The following ZNF679 variants were observed in gnomAD, a reference collection of about 807,000 sequenced individuals.
ZNF679 encodes hypothetical protein MGC42415.
ZNF679 carries 10 observed loss-of-function variants against 13.4 expected under a neutral mutation model. That is an observed-to-expected ratio of 0.75 (90% confidence interval 0.46 to 1.27). ZNF679 has a LOEUF of 1.27. Among genes scored for constraint, ZNF679 ranks in the 50% most tolerant of loss-of-function variants. ZNF679 has a pLI of 0.00. For synonymous variants in ZNF679, 179 were observed against 162.5 expected, an observed-to-expected ratio of 1.10 and a Z score of -0.77; for missense variants, 525 against 477.8, an observed-to-expected ratio of 1.10 and a Z score of -0.92.
rs199528622 is a variant in ZNF679 at position 64,260,408 on chromosome 7, T to G, written c.166+61T>G. 3.9e-6 allele frequency: 6 copies of G among 1,557,300 alleles called. No individual in the cohort carries two copies. In the African/African-American group the frequency reaches 7.0e-5, roughly 18 times the overall value. On this transcript the variant is annotated intron_variant, in intron 3 of 4. Coordinates refer to ENST00000421025, the MANE Select transcript of ZNF679 (RefSeq NM_153363.3). Reference sequence around the variant, plus strand: ...TTCTTTTCTCTCTTTTCTAAAATGTTTTTTGGTAATTTCTGCTTTGCATGA... The same window carrying G: ...TTCTTTTCTCTCTTTTCTAAAATGTGTTTTGGTAATTTCTGCTTTGCATGA...
At chr7:64,261,182 G>A (rs189922441) in intron 4 of ZNF679, among the ~76,000 whole-genome samples, 13 of 152,162 alleles carry the variant, frequency 8.5e-5, no homozygotes, top group Admixed American at 2.6e-4. Flanking sequence ...TTTTCTTTAT[G>A]GCTTATCAGA....
chr7:64,264,551 C>T (rs1342124983), intron 4 of ZNF679, among the ~76,000 whole-genome samples: 1 of 151,930 alleles, frequency 6.6e-6, no homozygotes, highest in Non-Finnish European at 1.5e-5. Flanking sequence ...TTATTTAGGG[C>T]ACATGCAGTG....
chr7:64,256,589 T>G lies in ZNF679; in HGVS notation c.40-3632T>G, dbSNP rs565827925. On this transcript the variant is annotated intron_variant, in intron 2 of 4. Transcript: ENST00000421025. ...CTCACAAGCATCTGTTGTTTTGGAC[T>G]TTTTAGTCTGAGTGTGTTTATTTGA... Among the ~76,000 whole-genome samples, 3 of 152,184 alleles carry G rather than the reference T, an allele frequency of 2.0e-5. No homozygotes were observed. In the South Asian group the frequency reaches 6.2e-4, roughly 32 times the overall value.
intron 1 of ZNF679, among the ~76,000 whole-genome samples, chr7:64,248,044 A>ATTATGAT (rs1787891765): frequency 1.3e-5 from 2 of 152,102 alleles, no homozygotes; most frequent in Admixed American, 6.6e-5. Flanking sequence ...GTTTAATTGA[A>ATTATGAT]TCATAATTCT....
At position 64,266,297 on chromosome 7, in the gene ZNF679, A is replaced by C; in HGVS notation, c.664A>C (p.Asn222His). The C allele has an allele frequency of 6.2e-7, 1 of 1,606,788 alleles. No individual in the cohort carries two copies. The highest frequency in any genetic ancestry group is 8.5e-7 in the Non-Finnish European group (1 of 1,176,302). Residue 222 changes from asparagine (N) to histidine (H), a missense_variant, in exon 5 of 5, where the codon AAC becomes CAC. Physicochemically the swap from Asn to His is moderately conservative, Grantham distance 68. Transcript: ENST00000421025. ...YQCEECGKPF[N>H]CSSTLSKHKR... Reference sequence around the variant, plus strand: ...ATGTGAAGAATGCGGCAAACCCTTCAACTGCTCTTCAACCCTTTCTAAACA... The same window carrying C: ...ATGTGAAGAATGCGGCAAACCCTTCCACTGCTCTTCAACCCTTTCTAAACA...
rs148786982 is a variant in ZNF679 at position 64,260,192 on chromosome 7, G to GT, written c.40-22dup. ...AGTAAGTGTTTGTGTGTTCATGAGT[G>GT]TTTTTTTGTTGTTGTTATTGTTTTT... On this transcript the variant is annotated intron_variant, in intron 2 of 4. Transcript: ENST00000421025. 4,161 of 1,579,900 alleles carry GT rather than the reference G, an allele frequency of 2.6e-3. 81 individuals carry two copies. The African/African-American group carries it at 0.049, about 18-fold the overall frequency.
chr7:64,246,255 C>T (rs986499729), intron 1 of ZNF679, among the ~76,000 whole-genome samples: 5 of 152,156 alleles, frequency 3.3e-5, no homozygotes, highest in African/African-American at 1.2e-4. Flanking sequence ...TAACCCAATC[C>T]CATTCTTTAC....
At chr7:64,236,816 G>C (rs1436634284) in intron 1 of ZNF679, among the ~76,000 whole-genome samples, 1 of 118,490 alleles carries the variant, frequency 8.4e-6, no homozygotes, top group African/African-American at 3.2e-5. Context: ...AAGAAAGAAA[G>C]AAAGAGAAAG....
Position 64,266,819 on chromosome 7 carries a change from G to T in ZNF679, c.1186G>T (p.Ala396Ser), listed in dbSNP as rs879033651. ...DKAFKWSSSL[A>S]NHKSMHTGEK... ...AGCTTTTAAGTGGTCCTCAAGTCTT[G>T]CTAATCATAAGAGTATGCATACTGG... Residue 396 changes from alanine to serine, a missense_variant, in exon 5 of 5, where the codon GCT becomes TCT. Ala to Ser is a moderately conservative substitution (Grantham distance 99). Transcript: ENST00000421025. The T allele has an allele frequency of 6.3e-7, 1 of 1,599,440 alleles. No individual in the cohort carries two copies. Among genetic ancestry groups the T allele is most frequent in the Non-Finnish European group, 8.5e-7 (1 of 1,172,366 alleles).
intron 2 of ZNF679, among the ~76,000 whole-genome samples, chr7:64,256,572 C>G (rs1468383252): frequency 2.3e-5 from 1 of 43,832 alleles, no homozygotes; most frequent in Non-Finnish European, 7.1e-5. Flanking sequence ...ACCTCACAAG[C>G]ATCTGTTGTT....
chr7:64,236,922 G>GA lies in ZNF679; in HGVS notation c.-91+8272dup, dbSNP rs58504724. On this transcript the variant is annotated intron_variant, in intron 1 of 4. Coordinates refer to ENST00000421025, the MANE Select transcript of ZNF679 (RefSeq NM_153363.3). ...AAAAAGAAAAAAAGAAAGAAAGAAAGAAGAAAGAAAGAAAGAAAGAAAGAA... is the reference window on the plus strand; with the variant it reads ...AAAAAGAAAAAAAGAAAGAAAGAAAGAAAGAAAGAAAGAAAGAAAGAAAGAA... Among the ~76,000 whole-genome samples, 245 of 85,386 alleles carry GA rather than the reference G, an allele frequency of 2.9e-3. 1 individual carries two copies. The highest frequency in any genetic ancestry group is 0.026 in the South Asian group (56 of 2,152). 56.0% of individuals were successfully genotyped at this position (85,386 alleles called of 152,430 possible).
intron 1 of ZNF679, among the ~76,000 whole-genome samples, chr7:64,233,611 C>T (rs1040425825): frequency 6.6e-6 from 1 of 152,178 alleles, no homozygotes; most frequent in African/African-American, 2.4e-5. Context: ...AGTGCTCCTC[C>T]CCCAACCTCG....
chr7:64,249,179 T>C, intron 2 of ZNF679, 23 bp downstream of exon 2: 3 of 1,613,950 alleles, frequency 1.9e-6, no homozygotes, highest in Non-Finnish European at 2.5e-6. Context: ...TCTGTCACCG[T>C]GAGAGAGGGG....
chr7:64,241,044 G>T (rs1016152185), intron 1 of ZNF679, among the ~76,000 whole-genome samples: 4 of 152,070 alleles, frequency 2.6e-5, no homozygotes, highest in Non-Finnish European at 5.9e-5. Context: ...CTTAACAGTG[G>T]GTTCTGTTAA....
At chr7:64,231,752 G>A (rs1488438763) in intron 1 of ZNF679, among the ~76,000 whole-genome samples, 1 of 152,138 alleles carries the variant, frequency 6.6e-6, no homozygotes, top group Non-Finnish European at 1.5e-5. Context: ...GGCCCAGGCA[G>A]GAGCATCACA....
intron 1 of ZNF679, among the ~76,000 whole-genome samples, chr7:64,245,286 A>G (rs1787852357): frequency 6.6e-6 from 1 of 151,990 alleles, no homozygotes; most frequent in East Asian, 1.9e-4. Context: ...TCGGCCTCCC[A>G]AGGTTCTAGG....
At chr7:64,264,576 C>A (rs919338914) in intron 4 of ZNF679, among the ~76,000 whole-genome samples, 2 of 151,872 alleles carry the variant, frequency 1.3e-5, no homozygotes, top group African/African-American at 4.8e-5. Flanking sequence ...TATGCTTTTC[C>A]AGCATGTGTT....
chr7:64,252,715 C>A (rs1329274659), intron 2 of ZNF679, among the ~76,000 whole-genome samples: 2 of 152,092 alleles, frequency 1.3e-5, no homozygotes, highest in African/African-American at 4.8e-5. Flanking sequence ...ATCCTGTTAT[C>A]TTATTTTTAT....
intron 1 of ZNF679, among the ~76,000 whole-genome samples, chr7:64,234,241 A>G (rs1166347625): frequency 1.3e-5 from 2 of 152,222 alleles, no homozygotes; most frequent in African/African-American, 4.8e-5. Context: ...TTAGAAGATC[A>G]AAGAAATACT....
Sources: allele counts gnomAD v4.1 joint callset (sites outside exome capture counted in the v4.1 genomes callset), GRCh38; gene constraint gnomAD v4.1.1; transcripts MANE v1.5; gene names NCBI Gene and HGNC (gene_info 2026-07-23, HGNC 2026-07-21).